Variants in SCN3A observed in about 807,000 individuals in gnomAD.
SCN3A encodes sodium voltage-gated channel alpha subunit 3.
A neutral mutation model predicts 187.6 loss-of-function variants in SCN3A; 60 were observed. The observed-to-expected ratio is 0.32, with a 90% CI of 0.26 to 0.40. The LOEUF is 0.40. Among genes scored for constraint, SCN3A ranks in the 10% least tolerant of loss-of-function variants. The pLI is 1.00. For synonymous variants in SCN3A, 788 were observed against 829.2 expected, an observed-to-expected ratio of 0.95 and a Z score of 0.85; for missense variants, 1,601 against 2,428.2, an observed-to-expected ratio of 0.66 and a Z score of 7.16.
intron 5 of SCN3A, among the ~76,000 whole-genome samples, chr2:165,165,318 A>G (rs1395446382): frequency 6.6e-6 from 1 of 151,780 alleles, no homozygotes; most frequent in African/African-American, 2.4e-5. Context: ...TTATCATATG[A>G]AATGTTCCAG....
At chr2:165,179,176 T>C (rs1690668684) in intron 2 of SCN3A, among the ~76,000 whole-genome samples, 1 of 152,042 alleles carries the variant, frequency 6.6e-6, no homozygotes, top group African/African-American at 2.4e-5. Flanking sequence ...TTTGAACTAA[T>C]TTTGATGTCT....
chr2:165,101,678 A>G (rs1447065784), intron 21 of SCN3A, among the ~76,000 whole-genome samples: 2 of 152,220 alleles, frequency 1.3e-5, no homozygotes, highest in Admixed American at 6.5e-5. Context: ...AATTCATTAT[A>G]TCCACAATGG....
Position 165,139,510 on chromosome 2 carries a change from C to T in SCN3A, c.2118G>A (p.Val706=), listed in dbSNP as rs143450450. ...LEDSSGRQRA[V]SIASILTNTM... The stretch of plus-strand genomic sequence containing the variant: ...TGTTGGTCAGAATGCTGGCTATGCT[C>T]ACGGCTCTTTGCCTTCCAGAGGAAT... The change falls in exon 14 of 28, where the codon GTG becomes GTA. Residue 706 remains valine, a synonymous_variant. Coordinates refer to ENST00000283254, the MANE Select transcript of SCN3A (RefSeq NM_006922.4). 2.1e-3 allele frequency: 3,317 copies of T among 1,613,952 alleles called. 32 individuals carry two copies. In the East Asian group the frequency reaches 0.031, roughly 15 times the overall value.
intron 20 of SCN3A, 39 bp from the exon 21 acceptor site, chr2:165,113,097 G>T: frequency 1.3e-6 from 2 of 1,520,242 alleles, no homozygotes; most frequent in African/African-American, 1.4e-5. Context: ...TAAATGGCTT[G>T]CTTCTTCTAA....
chr2:165,123,090 GATT>G (rs1411216058), intron 18 of SCN3A, among the ~76,000 whole-genome samples: 1 of 151,730 alleles, frequency 6.6e-6, no homozygotes, highest in Non-Finnish European at 1.5e-5. Flanking sequence ...AAGAAATTAT[GATT>G]ATGAGAACTT....
chr2:165,196,446 G>C (rs933715251), intron 1 of SCN3A, among the ~76,000 whole-genome samples: 1 of 152,098 alleles, frequency 6.6e-6, no homozygotes, highest in Non-Finnish European at 1.5e-5. Context: ...GGTGAAGAAA[G>C]CATAGTTAAA....
intron 2 of SCN3A, among the ~76,000 whole-genome samples, chr2:165,183,067 A>C (rs1690991657): frequency 6.6e-6 from 1 of 152,180 alleles, no homozygotes; most frequent in African/African-American, 2.4e-5. Context: ...AAGTGAAAGG[A>C]TGATGAGTGA....
rs777668112 is a variant in SCN3A at position 165,162,835 on chromosome 2, A to G, written c.695-7T>C. The stretch of plus-strand genomic sequence containing the variant: ...CCCACAATGGTCTTTAAACCTGCAG[A>G]GAGAGAACTATAGGTTACCTGAGGA... On this transcript the variant is annotated splice_polypyrimidine_tract_variant and splice_region_variant and intron_variant, in intron 7 of 27. Coordinates refer to ENST00000283254, the MANE Select transcript of SCN3A (RefSeq NM_006922.4). 2.5e-6 allele frequency: 4 copies of G among 1,614,010 alleles called. No individual in the cohort carries two copies. Among genetic ancestry groups the G allele is most frequent in the Middle Eastern group, 1.7e-4 (1 of 6,060 alleles).
chr2:165,136,062 G>A (rs1687641877), intron 15 of SCN3A, among the ~76,000 whole-genome samples: 1 of 152,220 alleles, frequency 6.6e-6, no homozygotes, highest in Middle Eastern at 3.4e-3. Flanking sequence ...TTGTTTATAT[G>A]TGTGTTGAGA....
intron 21 of SCN3A, among the ~76,000 whole-genome samples, chr2:165,112,124 C>T (rs1686148036): frequency 6.6e-6 from 1 of 152,188 alleles, no homozygotes; most frequent in African/African-American, 2.4e-5. Context: ...TGTTAGGAGG[C>T]TGTGAAGCCT....
chr2:165,103,709 C>T (rs1347392963), intron 21 of SCN3A, among the ~76,000 whole-genome samples: 1 of 152,078 alleles, frequency 6.6e-6, no homozygotes, highest in Non-Finnish European at 1.5e-5. Flanking sequence ...TCTGGAAATC[C>T]TGTGATTGGT....
At chr2:165,158,123 A>G (rs1404305473) in intron 9 of SCN3A, among the ~76,000 whole-genome samples, 2 of 152,160 alleles carry the variant, frequency 1.3e-5, no homozygotes, top group African/African-American at 4.8e-5. Context: ...AGGCCCTCTC[A>G]GCTGACAGAA....
intron 16 of SCN3A, 63 bp from the exon 17 acceptor site, chr2:165,130,359 T>A: frequency 6.5e-7 from 1 of 1,547,922 alleles, no homozygotes; most frequent in Non-Finnish European, 8.9e-7. Flanking sequence ...CATTATTTTA[T>A]TAGTATGTGG....
At chr2:165,191,451 A>C (rs1439353480) in intron 1 of SCN3A, among the ~76,000 whole-genome samples, 1 of 152,076 alleles carries the variant, frequency 6.6e-6, no homozygotes, top group Non-Finnish European at 1.5e-5. Flanking sequence ...TTGGTTATCT[A>C]GTGGAAGGCA....
Position 165,092,564 on chromosome 2 carries a change from T to A in SCN3A, c.4537-40A>T, listed in dbSNP as rs1465951105. The A allele has an allele frequency of 6.4e-7, 1 of 1,574,116 alleles. No individual in the cohort carries two copies. The highest frequency in any genetic ancestry group is 8.7e-7 in the Non-Finnish European group (1 of 1,144,782). ...AAGAGAAATAAGGTTACTATATATA[T>A]TTCATAAAGAATAATGCAGTAAAAT... On this transcript the variant is annotated intron_variant, in intron 26 of 27. Coordinates refer to ENST00000283254, the MANE Select transcript of SCN3A (RefSeq NM_006922.4). This position sits in a 1 kb window ranked among gnomAD's most constrained non-coding sequence, Gnocchi z 4.2.
Position 165,128,070 on chromosome 2 carries a change from C to A in SCN3A, c.2954G>T (p.Ser985Ile). 1 of 1,612,346 alleles carries A rather than the reference C, an allele frequency of 6.2e-7. No homozygotes were observed. Among genetic ancestry groups the A allele is most frequent in the Non-Finnish European group, 8.5e-7 (1 of 1,179,658 alleles). ...VLNLFLALLLSSFSSDNLAAT... is the reference protein window; with the variant it reads ...VLNLFLALLLISFSSDNLAAT... ...AGCAAGGTTGTCTGAGCTAAATGAA[C>A]TCAACAATAAGGCCAGAAAGAGGTT... Residue 985 changes from serine (S) to isoleucine (I), a missense_variant, in exon 18 of 28, where the codon AGT becomes ATT. Physicochemically the swap from Ser to Ile is moderately radical, Grantham distance 142 (BLOSUM62 -2). Around this residue, in one of 11 missense-constraint regions of SCN3A, gnomAD observed 91 missense variants for 207.0 expected, o/e 0.44. Coordinates refer to ENST00000283254, the MANE Select transcript of SCN3A (RefSeq NM_006922.4).
At chr2:165,112,590 A>C (rs1686175285) in intron 21 of SCN3A, among the ~76,000 whole-genome samples, 1 of 152,162 alleles carries the variant, frequency 6.6e-6, no homozygotes. Context: ...CTGTCAATTA[A>C]CATATTACTT....
intron 2 of SCN3A, 91 bp from the exon 3 acceptor site, chr2:165,176,535 T>C (rs1690480441): frequency 1.0e-6 from 1 of 955,052 alleles, no homozygotes; most frequent in African/African-American, 1.6e-5. Flanking sequence ...AGTAACTTTT[T>C]AAAGCTATAA....
chr2:165,166,911 TTG>T (rs1404668209), intron 5 of SCN3A, among the ~76,000 whole-genome samples: 9 of 152,082 alleles, frequency 5.9e-5, no homozygotes, highest in African/African-American at 1.9e-4. Context: ...CCTTTTTTTT[TTG>T]TTTTGAAACA....
Sources: allele counts gnomAD v4.1 joint callset (sites outside exome capture counted in the v4.1 genomes callset), GRCh38; gene constraint gnomAD v4.1.1; regional missense constraint gnomAD v4.1.1; non-coding constraint Gnocchi (gnomAD v3.1); transcripts MANE v1.5; gene names NCBI Gene and HGNC (gene_info 2026-07-23, HGNC 2026-07-21).